The following LRBA variants were observed in gnomAD, a reference collection of about 807,000 sequenced individuals.
The protein encoded by LRBA is lipopolysaccharide-responsive and beige-like anchor protein.
Under a neutral mutation model 330.0 loss-of-function variants are expected in LRBA, and 176 were observed. The ratio of observed to expected loss-of-function variants is 0.53; its 90% CI spans 0.47 to 0.60. LRBA has a LOEUF of 0.60. Ranked by LOEUF, LRBA falls within the 20% of genes least tolerant of loss-of-function variation. LRBA has a pLI of 0.00. For missense variants in LRBA, 3,259 were observed against 3,444.8 expected (o/e 0.95, Z 1.35); for synonymous variants, 1,230 against 1,193.0 (o/e 1.03, Z -0.64).
intron 42 of LRBA, among the ~76,000 whole-genome samples, chr4:150,472,021 A>G (rs1159237441): frequency 6.6e-6 from 1 of 152,138 alleles, no homozygotes; most frequent in Non-Finnish European, 1.5e-5. Flanking sequence ...CAGTATAATT[A>G]ATAATTCACT....
rs116146306 is a variant in LRBA, at chr4:150,357,000, G to A, written c.7195-6841C>T. Among the ~76,000 whole-genome samples, 167 of 151,982 alleles carry A rather than the reference G, an allele frequency of 1.1e-3. 4 individuals are homozygous for A. Among genetic ancestry groups the A allele is most frequent in the African/African-American group, 4.0e-3 (164 of 41,510 alleles). The stretch of plus-strand genomic sequence containing the variant: ...TCAAAGATTTAGGGAAAAAACTGTG[G>A]GATGCTAAGAATAAAAATTGTATCA... On this transcript the variant is annotated intron_variant, in intron 47 of 56. Coordinates refer to ENST00000651943, the MANE Select transcript of LRBA (RefSeq NM_001364905.1).
intron 36 of LRBA, among the ~76,000 whole-genome samples, chr4:150,728,294 T>A (rs1560738199): frequency 6.6e-6 from 1 of 151,958 alleles, no homozygotes. Flanking sequence ...CTAATACCAA[T>A]CCTACTCTAA....
At chr4:150,459,499 C>G (rs1754495797) in intron 44 of LRBA, among the ~76,000 whole-genome samples, 1 of 151,902 alleles carries the variant, frequency 6.6e-6, no homozygotes, top group Non-Finnish European at 1.5e-5. Flanking sequence ...TGTGACCTCC[C>G]AGAATTCTTT....
chr4:150,485,550 G>A (rs1581449119), intron 42 of LRBA, among the ~76,000 whole-genome samples: 2 of 151,848 alleles, frequency 1.3e-5, no homozygotes, highest in African/African-American at 2.4e-5. Flanking sequence ...CTTTGTAAAA[G>A]AGGGAAACCT....
intron 2 of LRBA, among the ~76,000 whole-genome samples, chr4:151,001,840 C>A (rs1005072566): frequency 6.6e-6 from 1 of 152,090 alleles, no homozygotes; most frequent in Non-Finnish European, 1.5e-5. Flanking sequence ...TGCCCTAGAG[C>A]CCAAGGACAG....
At chr4:150,434,882 A>G (rs1750906113) in intron 46 of LRBA, among the ~76,000 whole-genome samples, 2 of 152,030 alleles carry the variant, frequency 1.3e-5, no homozygotes, top group South Asian at 4.2e-4. Context: ...AGAGTTCGGA[A>G]TCCCATTACG....
At chr4:150,910,518 C>A (rs1030266315) in intron 9 of LRBA, among the ~76,000 whole-genome samples, 1 of 152,076 alleles carries the variant, frequency 6.6e-6, no homozygotes, top group African/African-American at 2.4e-5. Context: ...TATTGTGTTC[C>A]CTTGGCCTAT....
chr4:150,443,294 T>C (rs1387700350), intron 44 of LRBA, among the ~76,000 whole-genome samples: 1 of 152,054 alleles, frequency 6.6e-6, no homozygotes, highest in Non-Finnish European at 1.5e-5. Flanking sequence ...GGGTGGTGAT[T>C]CCTCAGGGAT....
intron 47 of LRBA, among the ~76,000 whole-genome samples, chr4:150,391,961 C>T (rs1239351123): frequency 9.3e-6 from 1 of 107,846 alleles, no homozygotes. Flanking sequence ...GATTGATACT[C>T]TGTTACTCTT....
intron 47 of LRBA, among the ~76,000 whole-genome samples, chr4:150,354,460 C>T (rs1186490581): frequency 1.3e-5 from 2 of 152,010 alleles, no homozygotes; most frequent in African/African-American, 2.4e-5. Context: ...GTTAGTACTC[C>T]CCTAGCAGGC....
chr4:150,941,509 A>G (rs1479366317), intron 2 of LRBA, among the ~76,000 whole-genome samples: 1 of 152,232 alleles, frequency 6.6e-6, no homozygotes, highest in Non-Finnish European at 1.5e-5. Context: ...AGCTATTCTT[A>G]GACAAAATTT....
intron 2 of LRBA, among the ~76,000 whole-genome samples, chr4:150,991,710 G>T (rs1742104583): frequency 6.6e-6 from 1 of 152,016 alleles, no homozygotes; most frequent in South Asian, 2.1e-4. Context: ...TTTGAGGTGG[G>T]GGAAATATCT....
intron 37 of LRBA, among the ~76,000 whole-genome samples, chr4:150,612,460 T>C (rs1314001128): frequency 6.6e-6 from 1 of 152,228 alleles, no homozygotes; most frequent in Non-Finnish European, 1.5e-5. Context: ...AGGCTTATTA[T>C]GTTACACTTC....
chr4:150,976,074 C>G (rs559983184), intron 2 of LRBA, among the ~76,000 whole-genome samples: 1 of 150,636 alleles, frequency 6.6e-6, no homozygotes, highest in South Asian at 2.1e-4. Flanking sequence ...ACTCAGAAGG[C>G]TGAGGCAGGA....
intron 12 of LRBA, 115 bp downstream of exon 12, chr4:150,906,182 G>A (rs1731317591): frequency 2.4e-6 from 2 of 826,468 alleles, no homozygotes; most frequent in East Asian, 4.9e-5. Flanking sequence ...TTTAGTTTAG[G>A]TAATTTTCTG....
At chr4:150,467,152 T>C (rs1755546295) in intron 44 of LRBA, among the ~76,000 whole-genome samples, 1 of 152,144 alleles carries the variant, frequency 6.6e-6, no homozygotes, top group Non-Finnish European at 1.5e-5. Flanking sequence ...AGTAAATAAC[T>C]GCAATGGATT....
At chr4:150,990,619 C>T (rs1437412299) in intron 2 of LRBA, among the ~76,000 whole-genome samples, 1 of 151,958 alleles carries the variant, frequency 6.6e-6, no homozygotes, top group African/African-American at 2.4e-5. Flanking sequence ...GCCTATAGTC[C>T]CAGCTACTTG....
chr4:150,597,251 C>A (rs1210093199), intron 38 of LRBA: 2 of 401,010 alleles, frequency 5.0e-6, no homozygotes, highest in African/African-American at 4.1e-5. Context: ...TTTTGTCAAA[C>A]TTTAATGCAG....
intron 37 of LRBA, among the ~76,000 whole-genome samples, chr4:150,609,015 C>G (rs1774960491): frequency 6.6e-6 from 1 of 152,180 alleles, no homozygotes; most frequent in Admixed American, 6.5e-5. Flanking sequence ...CTGATGAACA[C>G]TTGAGTTGTT....
Sources: gnomAD v4.1 joint callset for allele counts (sites outside exome capture counted in the v4.1 genomes callset) on GRCh38, gnomAD v4.1.1 for gene constraint, MANE v1.5 for transcripts, NCBI Gene and HGNC (gene_info 2026-07-23, HGNC 2026-07-21) for gene names.